The following GALNT13 variants were observed in gnomAD, a reference collection of about 807,000 sequenced individuals.
GALNT13 encodes UDP-GalNAc:polypeptide N-acetylgalactosaminyltransferase 13.
Under a neutral mutation model 64.2 loss-of-function variants are expected in GALNT13, and 28 were observed. That is an observed-to-expected ratio of 0.44 (90% confidence interval 0.32 to 0.60). The LOEUF is 0.60. Ranked by LOEUF, GALNT13 falls within the 20% of genes least tolerant of loss-of-function variation. The pLI, the probability that GALNT13 is intolerant of heterozygous loss-of-function variation, is 0.05. For missense variants in GALNT13, 577 were observed against 669.8 expected (o/e 0.86, Z 1.53); for synonymous variants, 214 against 224.6 (o/e 0.95, Z 0.42).
chr2:153,213,945 T>C, the GALNT13 span, among the ~76,000 whole-genome samples: 1 of 152,148 alleles, frequency 6.6e-6, no homozygotes, highest in East Asian at 1.9e-4. Context: ...ATAACTCAGC[T>C]TGTCTTTCAA....
intron 4 of GALNT13, among the ~76,000 whole-genome samples, chr2:154,207,780 G>A (rs1687543705): frequency 6.6e-6 from 1 of 152,138 alleles, no homozygotes; most frequent in Admixed American, 6.5e-5. Flanking sequence ...TGATTCCTCT[G>A]CCCTGGTCTA....
intron 4 of GALNT13, among the ~76,000 whole-genome samples, chr2:154,146,171 C>T (rs1250695940): frequency 6.6e-6 from 1 of 151,266 alleles, no homozygotes; most frequent in Non-Finnish European, 1.5e-5. Context: ...CACACGCATA[C>T]ACATACACAC....
chr2:153,195,711 C>T, the GALNT13 span, among the ~76,000 whole-genome samples: 1 of 152,210 alleles, frequency 6.6e-6, no homozygotes, highest in Non-Finnish European at 1.5e-5. Context: ...TGTCTCAGCC[C>T]TGTGTGTGTG....
the GALNT13 span, among the ~76,000 whole-genome samples, chr2:153,569,848 C>T: frequency 6.6e-6 from 1 of 152,120 alleles, no homozygotes; most frequent in South Asian, 2.1e-4. Flanking sequence ...CCACACTACC[C>T]TACCCAGCCT....
rs113050510 is a variant in GALNT13, at chr2:153,961,456, G to A, written c.142+16817G>A. Among the ~76,000 whole-genome samples, 9 of 148,804 alleles carry A rather than the reference G, an allele frequency of 6.0e-5. 1 individual carries two copies. Among genetic ancestry groups the A allele is most frequent in the African/African-American group, 2.0e-4 (8 of 39,584 alleles). On this transcript the variant is annotated intron_variant, in intron 3 of 12. Transcript: ENST00000392825. ...ATATCAGGCAGATATTTTCATTCAC[G>A]TTTATATAAGGCAAATGCATTAGTT...
chr2:154,264,357 C>T (rs1476266590), intron 8 of GALNT13, among the ~76,000 whole-genome samples: 2 of 151,448 alleles, frequency 1.3e-5, no homozygotes, highest in East Asian at 1.9e-4. Flanking sequence ...TGTGGTGGCT[C>T]ATGCCTGTAA....
intron 3 of GALNT13, among the ~76,000 whole-genome samples, chr2:153,950,499 A>G (rs1692096268): frequency 6.6e-6 from 1 of 152,110 alleles, no homozygotes; most frequent in Admixed American, 6.6e-5. Flanking sequence ...ACATTTTTAT[A>G]ATAACTTCAG....
chr2:154,255,910 C>T (rs1014963042), intron 7 of GALNT13, among the ~76,000 whole-genome samples: 4 of 151,684 alleles, frequency 2.6e-5, no homozygotes, highest in Admixed American at 6.6e-5. Flanking sequence ...AAAGATAGCT[C>T]GGTATGGTGG....
At chr2:154,210,654 G>T (rs535730614) in intron 4 of GALNT13, among the ~76,000 whole-genome samples, 1 of 152,126 alleles carries the variant, frequency 6.6e-6, no homozygotes, top group Admixed American at 6.5e-5. Flanking sequence ...ACACTTAATG[G>T]TCTTACACTG....
chr2:154,024,596 A>AT lies in GALNT13; in HGVS notation c.142+79966dup, dbSNP rs1039646375. Among the ~76,000 whole-genome samples the AT allele has an allele frequency of 2.4e-4, 36 of 150,812 alleles. No homozygotes were observed. The Middle Eastern group carries it at 0.014, about 58-fold the overall frequency. The stretch of plus-strand genomic sequence containing the variant: ...GTTATTCTAGTTATCCATTTGTCTA[A>AT]TTTTTTTTTCAAAGCTTTTAACTTC... On this transcript the variant is annotated intron_variant, in intron 3 of 12. Coordinates refer to ENST00000392825, the MANE Select transcript of GALNT13 (RefSeq NM_052917.4).
At chr2:154,307,464 A>G (rs974352499) in intron 9 of GALNT13, among the ~76,000 whole-genome samples, 8 of 152,222 alleles carry the variant, frequency 5.3e-5, no homozygotes, top group African/African-American at 1.7e-4. Context: ...TTTTTTCACA[A>G]TATCTACTAT....
chr2:153,287,750 C>G, the GALNT13 span, among the ~76,000 whole-genome samples: 1 of 152,136 alleles, frequency 6.6e-6, no homozygotes, highest in Non-Finnish European at 1.5e-5. Context: ...CATCCAGCCA[C>G]TTGTGTTTGT....
chr2:153,230,425 C>T, the GALNT13 span, among the ~76,000 whole-genome samples: 3 of 152,274 alleles, frequency 2.0e-5, no homozygotes, highest in South Asian at 4.1e-4. Context: ...TCTCTTCTGA[C>T]AAAAAGATGT....
chr2:154,245,746 T>A, intron 6 of GALNT13, 66 bp from the exon 7 acceptor site: 1 of 1,081,430 alleles, frequency 9.2e-7, no homozygotes, highest in Non-Finnish European at 1.4e-6. Flanking sequence ...CTATAATCAG[T>A]TTGAAGAAGA....
At chr2:154,393,160 T>C (rs996903776) in intron 9 of GALNT13, among the ~76,000 whole-genome samples, 2 of 152,112 alleles carry the variant, frequency 1.3e-5, no homozygotes, top group Non-Finnish European at 2.9e-5. Context: ...TTGAAGAGGT[T>C]TGAGTTGCAG....
chr2:154,443,935 A>G (rs1330448616), intron 12 of GALNT13, among the ~76,000 whole-genome samples: 1 of 152,162 alleles, frequency 6.6e-6, no homozygotes, highest in African/African-American at 2.4e-5. Context: ...ACTCAATACT[A>G]TCTTAGGGTT....
intron 3 of GALNT13, among the ~76,000 whole-genome samples, chr2:154,131,375 C>A (rs886673180): frequency 6.6e-6 from 1 of 152,116 alleles, no homozygotes; most frequent in Admixed American, 6.6e-5. Context: ...AAGGACCTTG[C>A]TACTTATTTT....
intron 4 of GALNT13, among the ~76,000 whole-genome samples, chr2:154,219,090 C>T (rs1382393552): frequency 1.3e-5 from 2 of 152,008 alleles, no homozygotes; most frequent in Non-Finnish European, 2.9e-5. Context: ...CACCAAGAAT[C>T]TAATATCTCT....
In GALNT13 at chr2:154,300,086, T is replaced by C. The variant is rs561859460; in HGVS notation, c.976-1323T>C. 2.9e-3 allele frequency among the ~76,000 whole-genome samples: 385 copies of C among 134,816 alleles called. 4 individuals are homozygous for C. Among genetic ancestry groups the C allele is most frequent in the African/African-American group, 0.01 (381 of 36,518 alleles). 88.4% of individuals were successfully genotyped at this position (134,816 alleles called of 152,430 possible). On this transcript the variant is annotated intron_variant, in intron 8 of 12. Coordinates refer to ENST00000392825, the MANE Select transcript of GALNT13 (RefSeq NM_052917.4). ...GTCAGGTGAAAAGATAGTTTTTTTTTCTTTCTTTCTCTCTTTTTTTTTTTT... is the reference window on the plus strand; with the variant it reads ...GTCAGGTGAAAAGATAGTTTTTTTTCCTTTCTTTCTCTCTTTTTTTTTTTT...
Sources: allele counts gnomAD v4.1 joint callset (sites outside exome capture counted in the v4.1 genomes callset), GRCh38; gene constraint gnomAD v4.1.1; transcripts MANE v1.5; gene names NCBI Gene and HGNC (gene_info 2026-07-23, HGNC 2026-07-21).